The following SPATA33 variants were observed in gnomAD, a reference collection of about 807,000 sequenced individuals.
SPATA33 encodes the protein spermatogenesis associated 33.
SPATA33 carries 10 observed loss-of-function variants against 8.9 expected under a neutral mutation model. The ratio of observed to expected loss-of-function variants is 1.12; its 90% CI spans 0.69 to 1.90. The LOEUF (loss-of-function observed/expected upper bound fraction) is 1.90, where lower values mean the gene tolerates loss of function less well. SPATA33 is among the 40% of genes most tolerant of loss of function. SPATA33 has a pLI of 0.00. For missense variants in SPATA33, 241 were observed against 178.3 expected (o/e 1.35, Z -2.00); for synonymous variants, 96 against 72.8 (o/e 1.32, Z -1.63).
chr16:89,658,388 G>A lies in SPATA33; in HGVS notation c.178G>A (p.Ala60Thr), dbSNP rs1407579386. Residue 60 changes from alanine (A) to threonine (T), a missense_variant, in exon 2 of 3, where the codon GCC (alanine) becomes ACC (threonine). Coordinates refer to ENST00000579310, the MANE Select transcript of SPATA33 (RefSeq NM_001271907.2). ...VDSLHPGAGT[A>T]KHPPPAASLE... ...CAGCCTCCACCCGGGGGCCGGGACAGCCAAGCACCCGCCGCCGGCAGCTTC... is the reference window on the plus strand; with the variant it reads ...CAGCCTCCACCCGGGGGCCGGGACAACCAAGCACCCGCCGCCGGCAGCTTC... 1.2e-6 allele frequency: 2 copies of A among 1,612,162 alleles called. No homozygotes were observed. The highest frequency in any genetic ancestry group is 8.5e-7 in the Non-Finnish European group (1 of 1,179,530).
At position 89,658,296 on chromosome 16, in the gene SPATA33, A is replaced by G. The variant is rs2059911846; in HGVS notation, c.86A>G (p.Glu29Gly). Residue 29 changes from glutamate (E) to glycine (G), a missense_variant, in exon 2 of 3, where the codon GAG (glutamate) becomes GGG (glycine). By Grantham distance (98) the Glu-to-Gly change is moderately conservative. Transcript: ENST00000579310. ...GSTYSVPKSK[E>G]KLMEKHSQEA... Reference sequence around the variant, plus strand: ...ACCTATTCAGTTCCAAAATCTAAGGAGAAGTTGATGGAGAAGCATTCCCAG... The same window carrying G: ...ACCTATTCAGTTCCAAAATCTAAGGGGAAGTTGATGGAGAAGCATTCCCAG... 2 of 1,614,040 alleles carry G rather than the reference A, an allele frequency of 1.2e-6. No homozygotes were observed. Among genetic ancestry groups the G allele is most frequent in the African/African-American group, 2.7e-5 (2 of 74,928 alleles).
chr16:89,658,190 G>A (rs960888258), intron 1 of SPATA33, 58 bp from the exon 2 acceptor site: 37 of 1,604,830 alleles, frequency 2.3e-5, no homozygotes, highest in Non-Finnish European at 3.1e-5. Flanking sequence ...AAGACGATGG[G>A]ACCCACTGCC....
intron 2 of SPATA33, chr16:89,659,942 T>C (rs1370115185): frequency 2.0e-5 from 3 of 152,182 alleles, no homozygotes; most frequent in African/African-American, 7.2e-5. Flanking sequence ...CACCGGAGGA[T>C]GGAACCCTGC....
chr16:89,664,385 A>C (rs1437722248), intron 2 of SPATA33, among the ~76,000 whole-genome samples: 2 of 152,190 alleles, frequency 1.3e-5, no homozygotes, highest in East Asian at 3.8e-4. Flanking sequence ...GCCCCTGGGA[A>C]ACAGCCATGT....
At chr16:89,666,587 G>A (rs560932325) in intron 2 of SPATA33, among the ~76,000 whole-genome samples, 1 of 152,286 alleles carries the variant, frequency 6.6e-6, no homozygotes, top group East Asian at 1.9e-4. Flanking sequence ...GCGGAGATGA[G>A]AGAGCGTAGA....
At chr16:89,665,982 G>A (rs560969221) in intron 2 of SPATA33, among the ~76,000 whole-genome samples, 1 of 152,222 alleles carries the variant, frequency 6.6e-6, no homozygotes, top group East Asian at 1.9e-4. Context: ...TGGGGAGGCT[G>A]GGGCAGGAGA....
chr16:89,666,997 T>C (rs576731714), intron 2 of SPATA33, among the ~76,000 whole-genome samples: 5 of 152,286 alleles, frequency 3.3e-5, no homozygotes, highest in Non-Finnish European at 4.4e-5. Context: ...AGGGAGACGA[T>C]TAGGCCTCTG....
At chr16:89,663,795 G>A (rs2059991995) in intron 2 of SPATA33, among the ~76,000 whole-genome samples, 2 of 152,134 alleles carry the variant, frequency 1.3e-5, no homozygotes, top group Admixed American at 1.3e-4. Flanking sequence ...ATTTCCTCGT[G>A]TCGATAATGG....
intron 2 of SPATA33, chr16:89,658,669 G>T (rs8061722): frequency 0.037 from 20,282 of 551,928 alleles, 495 homozygotes; most frequent in Non-Finnish European, 0.046. Context: ...TGGTCGAGGG[G>T]CTGGGGCAGT....
intron 2 of SPATA33, among the ~76,000 whole-genome samples, chr16:89,662,001 A>T (rs2059971516): frequency 6.6e-6 from 1 of 152,150 alleles, no homozygotes. Context: ...TTCCTTAAAG[A>T]TACTCAGAAT....
At chr16:89,662,875 C>T (rs1597804115) in intron 2 of SPATA33, among the ~76,000 whole-genome samples, 1 of 152,170 alleles carries the variant, frequency 6.6e-6, no homozygotes, top group Non-Finnish European at 1.5e-5. Flanking sequence ...CTCATTGTGA[C>T]TTCCGCCTCC....
chr16:89,663,159 A>G (rs2151529395), intron 2 of SPATA33, among the ~76,000 whole-genome samples: 1 of 152,074 alleles, frequency 6.6e-6, no homozygotes, highest in Non-Finnish European at 1.5e-5. Context: ...GAGAAATGGA[A>G]CACTTCTATT....
rs531084822 is a variant in SPATA33 at position 89,657,874 on chromosome 16, G to A, written c.-38G>A. The A allele has an allele frequency of 1.3e-6, 2 of 1,515,828 alleles. No individual in the cohort carries two copies. Among genetic ancestry groups the A allele is most frequent in the East Asian group, 2.6e-5 (1 of 37,976 alleles). The allele number at this position is 1,515,828 out of a possible 1,614,324, so 93.9% of individuals were successfully genotyped here. A position where few individuals can be genotyped will look rare whatever the true frequency, so the allele number is the denominator to read the frequency against. ...GGCTCCGCGGCCGCGGAGGTGTGGG[G>A]ACCCGGGCTTGCGTCGGAGGGGGCG... is the stretch of plus-strand genomic sequence containing the variant. On this transcript the variant is annotated 5_prime_UTR_variant, in exon 1 of 3. Coordinates refer to ENST00000579310, the MANE Select transcript of SPATA33 (RefSeq NM_001271907.2).
intron 2 of SPATA33, chr16:89,661,261 G>A (rs1368191158): frequency 2.1e-6 from 2 of 961,976 alleles, no homozygotes; most frequent in Admixed American, 6.2e-5. Context: ...TCCCACATGT[G>A]GGAGGAACTG....
intron 2 of SPATA33, among the ~76,000 whole-genome samples, chr16:89,668,311 C>G (rs887053454): frequency 1.3e-5 from 2 of 152,224 alleles, no homozygotes; most frequent in African/African-American, 4.8e-5. Context: ...GACTCCGTCT[C>G]AAAAACTAAG....
At chr16:89,662,584 C>T (rs887505160) in intron 2 of SPATA33, among the ~76,000 whole-genome samples, 5 of 151,826 alleles carry the variant, frequency 3.3e-5, no homozygotes, top group Non-Finnish European at 7.4e-5. Context: ...CCATGACGCC[C>T]AGCTAATTTT....
intron 2 of SPATA33, among the ~76,000 whole-genome samples, chr16:89,666,695 C>T (rs529802392): frequency 6.6e-6 from 1 of 152,224 alleles, no homozygotes; most frequent in East Asian, 1.9e-4. Flanking sequence ...TGCCAGGCTG[C>T]ACTGATATTT....
At chr16:89,662,590 A>C (rs567687907) in intron 2 of SPATA33, among the ~76,000 whole-genome samples, 8 of 150,988 alleles carry the variant, frequency 5.3e-5, no homozygotes, top group Non-Finnish European at 1.2e-4. Context: ...CGCCCAGCTA[A>C]TTTTTTTTGT....
Position 89,669,542 on chromosome 16 carries a change from C to T in SPATA33, c.*45C>T, listed in dbSNP as rs1301942185. ...ACTCGCTACTCCCTGCGATAGGCGT[C>T]TCGGGAACAGCCGCCTCACCCTGTG... is the stretch of plus-strand genomic sequence containing the variant. On this transcript the variant is annotated 3_prime_UTR_variant, in exon 3 of 3. Transcript: ENST00000579310. 1.9e-6 allele frequency: 3 copies of T among 1,585,532 alleles called. No individual in the cohort carries two copies. Among genetic ancestry groups the T allele is most frequent in the Non-Finnish European group, 2.6e-6 (3 of 1,160,766 alleles).
Sources: allele counts gnomAD v4.1 joint callset (sites outside exome capture counted in the v4.1 genomes callset), GRCh38; gene constraint gnomAD v4.1.1; transcripts MANE v1.5; gene names NCBI Gene and HGNC (gene_info 2026-07-23, HGNC 2026-07-21).